The following FAM200B variants were observed in gnomAD, a reference collection of about 807,000 sequenced individuals.
FAM200B encodes zinc finger BED-type containing 11.
A neutral mutation model predicts 33.1 loss-of-function variants in FAM200B; 32 were observed. The ratio of observed to expected loss-of-function variants is 0.97; its 90% CI spans 0.73 to 1.30. FAM200B has a LOEUF of 1.30. Ranked by LOEUF, FAM200B falls within the 50% of genes most tolerant of loss-of-function variation. FAM200B has a pLI of 0.00. For missense variants in FAM200B, 741 were observed against 754.0 expected (o/e 0.98, Z 0.20); for synonymous variants, 240 against 264.8 (o/e 0.91, Z 0.91).
At chr4:15,666,588 G>C in the FAM200B span, among the ~76,000 whole-genome samples, 1 of 152,122 alleles carries the variant, frequency 6.6e-6, no homozygotes, top group Non-Finnish European at 1.5e-5. Context: ...TTGGACAGCA[G>C]GGTGATTACA....
rs201952994 is a variant in FAM200B at position 15,687,446 on chromosome 4, G to A, written c.469G>A (p.Val157Met). Reference sequence around the variant, plus strand: ...ATCATCATATTTAGTTGCATATCGTGTGGCAAAAGAGAAAATAGCTAACAC... The same window carrying A: ...ATCATCATATTTAGTTGCATATCGTATGGCAAAAGAGAAAATAGCTAACAC... ...LLSSYLVAYR[V>M]AKEKIANTAA... is the part of the protein sequence containing the mutation. Residue 157 changes from valine to methionine, a missense_variant, in exon 2 of 2, where the codon GTG (valine) becomes ATG (methionine). By Grantham distance (21) the Val-to-Met change is conservative. Coordinates refer to ENST00000422728, the MANE Select transcript of FAM200B (RefSeq NM_001145191.2). The A allele has an allele frequency of 1.9e-6, 3 of 1,551,094 alleles. No individual in the cohort carries two copies. Among genetic ancestry groups the A allele is most frequent in the Non-Finnish European group, 2.6e-6 (3 of 1,146,666 alleles).
chr4:15,658,804 A>G, the FAM200B span, among the ~76,000 whole-genome samples: 3 of 152,248 alleles, frequency 2.0e-5, no homozygotes, highest in African/African-American at 4.8e-5. Context: ...CGATAGCCAC[A>G]GAGGGCTTTC....
chr4:15,656,934 CTG>C, the FAM200B span, among the ~76,000 whole-genome samples: 1 of 150,066 alleles, frequency 6.7e-6, no homozygotes, highest in East Asian at 1.9e-4. Context: ...TCATATAAAT[CTG>C]GATCTGACAG....
chr4:15,670,445 G>T, the FAM200B span, among the ~76,000 whole-genome samples: 4 of 152,128 alleles, frequency 2.6e-5, no homozygotes, highest in African/African-American at 9.7e-5. Flanking sequence ...GCTTTAATTG[G>T]TGTTACCATC....
At position 15,689,509 on chromosome 4, in the gene FAM200B, C is replaced by T. The variant is rs555125209; in HGVS notation, c.*558C>T. On this transcript the variant is annotated 3_prime_UTR_variant, in exon 2 of 2. Coordinates refer to ENST00000422728, the MANE Select transcript of FAM200B (RefSeq NM_001145191.2). ...TTTCCCCTCACTGGGCATGGTGGCTCAGACCTGTAATCCCCGCACTTTGGC... is the reference window on the plus strand; with the variant it reads ...TTTCCCCTCACTGGGCATGGTGGCTTAGACCTGTAATCCCCGCACTTTGGC... 6.0e-6 allele frequency: 1 copy of T among 167,120 alleles called. No individual in the cohort carries two copies. Among genetic ancestry groups the T allele is most frequent in the Non-Finnish European group, 1.5e-5 (1 of 68,146 alleles). 10.4% of individuals were successfully genotyped at this position (167,120 alleles called of 1,614,324 possible).
chr4:15,685,471 G>A (rs1243438073), intron 1 of FAM200B, among the ~76,000 whole-genome samples: 1 of 152,150 alleles, frequency 6.6e-6, no homozygotes, highest in Admixed American at 6.6e-5. Context: ...ATCCCTAGTT[G>A]CCTGGTAGCT....
chr4:15,658,482 T>A, the FAM200B span, among the ~76,000 whole-genome samples: 1 of 152,214 alleles, frequency 6.6e-6, no homozygotes, highest in African/African-American at 2.4e-5. Context: ...GCTTAATTCA[T>A]TCATGGATTA....
At chr4:15,655,161 GCCGCCCGCA>G in the FAM200B span, 1 of 1,343,494 alleles carries the variant, frequency 7.4e-7, no homozygotes, top group Non-Finnish European at 9.8e-7. Context: ...GCTCCCCATC[GCCGCCCGCA>G]CCGCCCACAG....
upstream of FAM200B, among the ~76,000 whole-genome samples, chr4:15,680,974 T>C (rs1422743942): frequency 2.1e-5 from 3 of 143,700 alleles, no homozygotes; most frequent in Non-Finnish European, 4.6e-5. Flanking sequence ...TATATATAAA[T>C]ATATATCTCA....
At chr4:15,639,032 C>T in the FAM200B span, among the ~76,000 whole-genome samples, 5 of 152,250 alleles carry the variant, frequency 3.3e-5, no homozygotes, top group Non-Finnish European at 5.9e-5. Context: ...GGCGTGGTGG[C>T]GCATGCCTAT....
At chr4:15,678,820 TTC>T (rs751878008), upstream of FAM200B, among the ~76,000 whole-genome samples, 30 of 152,300 alleles carry the variant, frequency 2.0e-4, no homozygotes, top group Non-Finnish European at 2.5e-4. Flanking sequence ...ATTATCTTCC[TTC>T]TGTTTGGTGA....
At chr4:15,671,686 C>T in the FAM200B span, among the ~76,000 whole-genome samples, 3 of 152,164 alleles carry the variant, frequency 2.0e-5, no homozygotes, top group African/African-American at 4.8e-5. Context: ...TTTGTATGCT[C>T]CCTTCCCCTA....
the FAM200B span, among the ~76,000 whole-genome samples, chr4:15,657,177 C>A: frequency 6.6e-6 from 1 of 152,022 alleles, no homozygotes; most frequent in Non-Finnish European, 1.5e-5. Context: ...CCCTCTATTT[C>A]TTTACCTCAT....
At chr4:15,638,529 C>T in the FAM200B span, 12 of 1,593,982 alleles carry the variant, frequency 7.5e-6, no homozygotes, top group Non-Finnish European at 9.4e-6. Context: ...TTTTCATCCA[C>T]GGAATATTTA....
At chr4:15,683,771 A>C (rs571856142) in intron 1 of FAM200B, among the ~76,000 whole-genome samples, 65 of 152,332 alleles carry the variant, frequency 4.3e-4, no homozygotes, top group African/African-American at 1.6e-3. Flanking sequence ...CGTCTTACAT[A>C]TTTCCCAGTT....
Position 15,687,104 on chromosome 4 carries a change from C to T in FAM200B, c.127C>T (p.Leu43=), listed in dbSNP as rs191931421. The T allele has an allele frequency of 1.3e-6, 2 of 1,548,948 alleles. No individual in the cohort carries two copies. The highest frequency in any genetic ancestry group is 2.7e-5 in the African/African-American group (2 of 73,076). The change falls in exon 2 of 2, where the codon CTG becomes TTG. Residue 43 remains leucine (L), a synonymous_variant. Coordinates refer to ENST00000422728, the MANE Select transcript of FAM200B (RefSeq NM_001145191.2). ...DNIEKNTDSN[L]QTSTSFEPHF... is the part of the protein sequence containing the mutation. Reference sequence around the variant, plus strand: ...TATTGAGAAAAATACTGACTCCAATCTGCAAACTTCAACTTCATTTGAGCC... The same window carrying T: ...TATTGAGAAAAATACTGACTCCAATTTGCAAACTTCAACTTCATTTGAGCC...
chr4:15,682,716 AAATGTTAGTTG>A (rs2148850794), intron 1 of FAM200B, among the ~76,000 whole-genome samples: 1 of 152,344 alleles, frequency 6.6e-6, no homozygotes, highest in South Asian at 2.1e-4. Flanking sequence ...GTAGGTAGCT[AAATGTTAGTTG>A]AATGCATGGC....
At position 15,689,039 on chromosome 4, in the gene FAM200B, GT is replaced by G. The variant is rs1719170751; in HGVS notation, c.*89del. On this transcript the variant is annotated 3_prime_UTR_variant, in exon 2 of 2. Coordinates refer to ENST00000422728, the MANE Select transcript of FAM200B (RefSeq NM_001145191.2). ...TATATTTAAATGGTACTATAATACTGTGATACTTTTGTTATGTTTTAATTTT... is the reference window on the plus strand; with the variant it reads ...TATATTTAAATGGTACTATAATACTGGATACTTTTGTTATGTTTTAATTTT... The G allele has an allele frequency of 1.1e-6, 1 of 951,242 alleles. No homozygotes were observed. The highest frequency in any genetic ancestry group is 1.7e-5 in the African/African-American group (1 of 58,596). The allele number at this position is 951,242 out of a possible 1,614,324, so 58.9% of individuals were successfully genotyped here.
At chr4:15,678,897 A>G (rs1234976426), upstream of FAM200B, among the ~76,000 whole-genome samples, 2 of 152,150 alleles carry the variant, frequency 1.3e-5, no homozygotes, top group East Asian at 3.9e-4. Flanking sequence ...TTTGCAGATC[A>G]TCATAGCTTA....
Sources: gnomAD v4.1 joint callset for allele counts (sites outside exome capture counted in the v4.1 genomes callset) on GRCh38, gnomAD v4.1.1 for gene constraint, MANE v1.5 for transcripts, NCBI Gene and HGNC (gene_info 2026-07-23, HGNC 2026-07-21) for gene names.